The following CACNA1A variants were observed in gnomAD, a reference collection of about 807,000 sequenced individuals.
CACNA1A encodes the protein voltage-dependent P/Q-type calcium channel subunit alpha-1A.
A neutral mutation model predicts 262.4 loss-of-function variants in CACNA1A; 57 were observed. The observed-to-expected ratio is 0.22, with a 90% CI of 0.18 to 0.27. CACNA1A has a LOEUF of 0.27. Ranked by LOEUF, CACNA1A falls within the 10% of genes least tolerant of loss-of-function variation. The pLI is 1.00. For synonymous variants in CACNA1A, 1,431 were observed against 1,419.3 expected, an observed-to-expected ratio of 1.01 and a Z score of -0.18; for missense variants, 2,526 against 3,562.8, an observed-to-expected ratio of 0.71 and a Z score of 7.41.
chr19:13,245,330 G>T, intron 30 of CACNA1A, 65 bp from the exon 31 acceptor site: 1 of 1,346,658 alleles, frequency 7.4e-7, no homozygotes, highest in Non-Finnish European at 1.1e-6. Context: ...CCCTAGGCTG[G>T]CCGGGTGCAT....
chr19:13,486,418 C>T lies in CACNA1A; in HGVS notation c.293+19514G>A, dbSNP rs146005093. Among the ~76,000 whole-genome samples, 75 of 151,438 alleles carry T rather than the reference C, an allele frequency of 5.0e-4. 1 individual carries two copies. In the East Asian group the frequency reaches 0.013, roughly 27 times the overall value. On this transcript the variant is annotated intron_variant, in intron 1 of 46. Coordinates refer to ENST00000360228, the MANE Select transcript of CACNA1A (RefSeq NM_001127222.2). ...TGTCTCTCTCTCTCTCACACACACA[C>T]ATACACACACACGTCAGTTAAAGAC...
At chr19:13,453,447 A>G (rs1426621485) in intron 2 of CACNA1A, among the ~76,000 whole-genome samples, 2 of 152,252 alleles carry the variant, frequency 1.3e-5, no homozygotes, top group African/African-American at 4.8e-5. Context: ...GTGACTGCAG[A>G]AAGTTCTAAT....
chr19:13,484,733 G>T (rs62111568), intron 1 of CACNA1A, among the ~76,000 whole-genome samples: 12,024 of 152,132 alleles, frequency 0.079, 826 homozygotes, highest in East Asian at 0.39. Context: ...AAACTCCTAA[G>T]CACCTTCCAC....
chr19:13,340,074 G>A (rs2145160694), intron 6 of CACNA1A, among the ~76,000 whole-genome samples: 1 of 152,266 alleles, frequency 6.6e-6, no homozygotes, highest in South Asian at 2.1e-4. Context: ...CTCTGCACCG[G>A]CCGCCAGTAG....
chr19:13,304,693 A>T (rs1457914830), intron 15 of CACNA1A, among the ~76,000 whole-genome samples: 1 of 149,572 alleles, frequency 6.7e-6, no homozygotes, highest in Admixed American at 6.7e-5. Flanking sequence ...AGGAAGAAAC[A>T]TCACAACTCT....
intron 3 of CACNA1A, among the ~76,000 whole-genome samples, chr19:13,376,800 CATAAT>C (rs1324193819): frequency 1.5e-5 from 2 of 132,460 alleles, no homozygotes; most frequent in African/African-American, 3.0e-5. Context: ...CATATATACA[CATAAT>C]ATATGTTATG....
intron 10 of CACNA1A, among the ~76,000 whole-genome samples, chr19:13,321,412 A>G (rs1347196749): frequency 1.3e-5 from 2 of 152,108 alleles, no homozygotes; most frequent in Non-Finnish European, 2.9e-5. Flanking sequence ...GGCAATTTAT[A>G]TACGCTTAAA....
intron 6 of CACNA1A, among the ~76,000 whole-genome samples, chr19:13,355,578 G>A (rs1293467598): frequency 2.0e-5 from 3 of 152,156 alleles, no homozygotes; most frequent in Admixed American, 6.5e-5. Flanking sequence ...CAAAACGCCC[G>A]ACAGGGAGGG....
chr19:13,312,518 A>C, intron 12 of CACNA1A, 151 bp downstream of exon 12: 1 of 578,614 alleles, frequency 1.7e-6, no homozygotes, highest in Non-Finnish European at 3.0e-6. Flanking sequence ...TATCCTTGCC[A>C]GTGTTTGGGA....
chr19:13,427,423 G>C (rs2060422104), intron 3 of CACNA1A, among the ~76,000 whole-genome samples: 1 of 151,200 alleles, frequency 6.6e-6, no homozygotes, highest in African/African-American at 2.4e-5. Flanking sequence ...TTGCATTCCA[G>C]GCTGGGCAAG....
chr19:13,318,937 G>A (rs2058189841), intron 10 of CACNA1A, among the ~76,000 whole-genome samples: 1 of 132,466 alleles, frequency 7.5e-6, no homozygotes, highest in Admixed American at 8.2e-5. Flanking sequence ...TGCCCAGGCT[G>A]GAATGCAGTG....
At chr19:13,381,411 A>T (rs2059522056) in intron 3 of CACNA1A, among the ~76,000 whole-genome samples, 1 of 148,196 alleles carries the variant, frequency 6.7e-6, no homozygotes, top group Non-Finnish European at 1.5e-5. Context: ...AAGAGATAAA[A>T]GATATTTTGC....
chr19:13,497,503 AAAAAAAAAAAAAAAAAAAATATATATAT>A (rs1981701111), intron 1 of CACNA1A, among the ~76,000 whole-genome samples: 13 of 38,798 alleles, frequency 3.4e-4, no homozygotes, highest in African/African-American at 1.1e-3. Flanking sequence ...AAAAAAAAAA[AAAAAAAAAAAAAAAAAAAATATATATAT>A]ATATATATAT....
chr19:13,208,814 C>T lies in CACNA1A; in HGVS notation c.6722G>A (p.Arg2241Gln), dbSNP rs773057074. 7 of 1,545,568 alleles carry T rather than the reference C, an allele frequency of 4.5e-6. No individual in the cohort carries two copies. The highest frequency in any genetic ancestry group is 2.4e-5 in the East Asian group (1 of 41,400). Residue 2241 changes from arginine (R) to glutamine (Q), a missense_variant, in exon 46 of 47, where the codon CGG becomes CAG. By Grantham distance (43) the Arg-to-Gln change is conservative. Coordinates refer to ENST00000360228, the MANE Select transcript of CACNA1A (RefSeq NM_001127222.2). ...ERPDHGRARA[R>Q]DQRWSRSPSE... is the part of the protein sequence containing the mutation. The stretch of plus-strand genomic sequence containing the variant: ...GGGCGAGCGGGACCAGCGCTGGTCC[C>T]GAGCCCGTGCCCGGCCGTGGTCCGG...
chr19:13,349,007 CAA>C (rs60884577), intron 6 of CACNA1A, among the ~76,000 whole-genome samples: 14 of 59,672 alleles, frequency 2.3e-4, no homozygotes, highest in African/African-American at 2.1e-4. Flanking sequence ...GACGCTGTCT[CAA>C]AAAAAAAAAA....
intron 1 of CACNA1A, among the ~76,000 whole-genome samples, chr19:13,465,510 G>T (rs1274053481): frequency 6.6e-6 from 1 of 151,834 alleles, no homozygotes; most frequent in Admixed American, 6.6e-5. Context: ...TTTGAGATAG[G>T]GTCTCACTCT....
Position 13,207,875 on chromosome 19 carries a change from TGCTGCTG to T in CACNA1A, c.6952_6958del (p.Gln2318SerfsTer288). The T allele has an allele frequency of 8.3e-7, 1 of 1,198,324 alleles. No individual in the cohort carries two copies. Among genetic ancestry groups the T allele is most frequent in the Non-Finnish European group, 1.1e-6 (1 of 909,818 alleles). The allele number at this position is 1,198,324 out of a possible 1,614,324, so 74.2% of individuals were successfully genotyped here. On this transcript the variant is annotated frameshift_variant, in exon 47 of 47. Transcript: ENST00000360228. LOFTEE classifies it low-confidence loss of function (END_TRUNC). This position sits in a 1 kb window ranked among gnomAD's most constrained non-coding sequence, Gnocchi z 5.7. The stretch of plus-strand genomic sequence containing the variant: ...GGCCACCGCCTGCTGCTGCTGCTGC[TGCTGCTG>T]CTGCTGCTGCTGCTGCGGGGGCCCC...
chr19:13,234,299 G>C (rs898373760), intron 34 of CACNA1A, among the ~76,000 whole-genome samples: 10 of 135,686 alleles, frequency 7.4e-5, no homozygotes, highest in African/African-American at 2.8e-4. Flanking sequence ...GCAGTGAGCC[G>C]AGATCGCGCC....
Position 13,299,027 on chromosome 19 carries a change from C to T in CACNA1A, c.2606G>A (p.Arg869Gln), listed in dbSNP as rs1057518589. 4 of 1,591,748 alleles carry T rather than the reference C, an allele frequency of 2.5e-6. No individual in the cohort carries two copies. Among genetic ancestry groups the T allele is most frequent in the African/African-American group, 2.7e-5 (2 of 74,718 alleles). The change falls in exon 19 of 47, where the codon CGG (arginine) becomes CAG (glutamine). Residue 869 changes from arginine (R) to glutamine (Q), a missense_variant. Physicochemically the swap from Arg to Gln is conservative, Grantham distance 43. Coordinates refer to ENST00000360228, the MANE Select transcript of CACNA1A (RefSeq NM_001127222.2). ...RKQARYHDRARDPSGSAGLDA... is the reference protein window; with the variant it reads ...RKQARYHDRAQDPSGSAGLDA... ...CAGGCCCGCCGAGCCGCTGGGGTCC[C>T]GGGCCCGATCGTGGTAGCGGGCCTG...
Sources: allele counts gnomAD v4.1 joint callset (sites outside exome capture counted in the v4.1 genomes callset), GRCh38; gene constraint gnomAD v4.1.1; non-coding constraint Gnocchi (gnomAD v3.1); transcripts MANE v1.5; gene names NCBI Gene and HGNC (gene_info 2026-07-23, HGNC 2026-07-21).